The following CSNK1D variants were observed in gnomAD, a reference collection of about 807,000 sequenced individuals.
CSNK1D encodes casein kinase I isoform delta.
Under a neutral mutation model 46.6 loss-of-function variants are expected in CSNK1D, and 16 were observed. The observed-to-expected ratio is 0.34, with a 90% CI of 0.23 to 0.52. CSNK1D has a LOEUF of 0.52. Among genes scored for constraint, CSNK1D ranks in the 20% least tolerant of loss-of-function variants. CSNK1D has a pLI of 0.95. For synonymous variants in CSNK1D, 276 were observed against 228.2 expected (o/e 1.21, Z -1.89); for missense variants, 398 against 578.4 (o/e 0.69, Z 3.20).
chr17:82,253,363 AG>A (rs1167218018), intron 3 of CSNK1D, 119 bp from the exon 4 acceptor site: 1 of 885,052 alleles, frequency 1.1e-6, no homozygotes, highest in African/African-American at 1.6e-5. Context: ...ACAGCAGGGT[AG>A]TTTAACAATT....
rs996038734 is a variant in CSNK1D, at chr17:82,251,352, A to G, written c.885+27T>C. ...AAGCCATCCCCCGCACACCACACTC[A>G]GCGAACGTGCTGGCAGTGCGACTTA... is the stretch of plus-strand genomic sequence containing the variant. On this transcript the variant is annotated intron_variant, in intron 6 of 8. Transcript: ENST00000314028. This position sits in a 1 kb window ranked among gnomAD's most constrained non-coding sequence, Gnocchi z 4.5. 6.2e-7 allele frequency: 1 copy of G among 1,613,746 alleles called. No homozygotes were observed. Among genetic ancestry groups the G allele is most frequent in the Non-Finnish European group, 8.5e-7 (1 of 1,179,774 alleles).
At chr17:82,256,765 T>C (rs1370146676) in intron 2 of CSNK1D, among the ~76,000 whole-genome samples, 2 of 152,108 alleles carry the variant, frequency 1.3e-5, no homozygotes, top group African/African-American at 4.8e-5. Context: ...TTTTTTCTCA[T>C]ATCCACAAGA....
chr17:82,242,338 G>A (rs2050752622), downstream of CSNK1D, among the ~76,000 whole-genome samples: 1 of 152,216 alleles, frequency 6.6e-6, no homozygotes, highest in South Asian at 2.1e-4. Flanking sequence ...CAGGGGGAAG[G>A]GACATGCGCT....
Position 82,273,472 on chromosome 17 carries a change from TCCGGCTC to T in CSNK1D, c.-98_-92del, listed in dbSNP as rs1232955614. On this transcript the variant is annotated 5_prime_UTR_variant, in exon 1 of 9. Coordinates refer to ENST00000314028, the MANE Select transcript of CSNK1D (RefSeq NM_001893.6). The surrounding 1 kb of genome is among the most constrained non-coding windows in gnomAD (Gnocchi z 5.1). ...GCGCCGCTGCTGCCGCTACTGCGGG[TCCGGCTC>T]CCGGCTCCGCCCCCCTCACGGCCCC... The T allele has an allele frequency of 3.3e-6, 5 of 1,502,218 alleles. No homozygotes were observed. In the African/African-American group the frequency reaches 4.2e-5, roughly 13 times the overall value. The allele number at this position is 1,502,218 out of a possible 1,614,324, so 93.1% of individuals were successfully genotyped here.
downstream of CSNK1D, among the ~76,000 whole-genome samples, chr17:82,240,381 T>C (rs1362479505): frequency 6.6e-6 from 1 of 152,126 alleles, no homozygotes; most frequent in Non-Finnish European, 1.5e-5. Flanking sequence ...AGAGGACACA[T>C]GGCCTTCCCC....
chr17:82,259,563 G>A (rs1156551458), intron 2 of CSNK1D, among the ~76,000 whole-genome samples: 3 of 152,208 alleles, frequency 2.0e-5, no homozygotes, highest in Admixed American at 6.5e-5. Flanking sequence ...ACATTTGCAC[G>A]TACCAAGCAA....
At chr17:82,270,605 A>T (rs1321531857) in intron 1 of CSNK1D, among the ~76,000 whole-genome samples, 6 of 152,218 alleles carry the variant, frequency 3.9e-5, no homozygotes, top group Non-Finnish European at 7.3e-5. Flanking sequence ...TCTTCAGATC[A>T]GCCATCTTTG....
At chr17:82,245,801 G>C (rs1278035740) in intron 8 of CSNK1D, among the ~76,000 whole-genome samples, 2 of 152,180 alleles carry the variant, frequency 1.3e-5, no homozygotes, top group Non-Finnish European at 2.9e-5. Context: ...CCCAAGACTG[G>C]GCAGCGGACT....
Position 82,249,073 on chromosome 17 carries a change from C to T in CSNK1D, c.1058-59G>A, listed in dbSNP as rs1599581303. 6.5e-6 allele frequency: 10 copies of T among 1,535,366 alleles called. No homozygotes were observed. The South Asian group carries it at 1.2e-4, about 18-fold the overall frequency. Reference sequence around the variant, plus strand: ...CCCGTCTGCTGCCTCTCACTCGGGGCTTTCTATGAGAGGCTGTGGCCAGAG... The same window carrying T: ...CCCGTCTGCTGCCTCTCACTCGGGGTTTTCTATGAGAGGCTGTGGCCAGAG... On this transcript the variant is annotated intron_variant, in intron 7 of 8. Coordinates refer to ENST00000314028, the MANE Select transcript of CSNK1D (RefSeq NM_001893.6). This position sits in a 1 kb window ranked among gnomAD's most constrained non-coding sequence, Gnocchi z 6.7.
Position 82,243,594 on chromosome 17 carries a change from C to T in CSNK1D, c.*1187G>A, listed in dbSNP as rs1467472234. The T allele has an allele frequency of 9.1e-6, 9 of 985,464 alleles. No individual in the cohort carries two copies. In the Admixed American group the frequency reaches 1.8e-4, roughly 20 times the overall value. 61.0% of individuals were successfully genotyped at this position (985,464 alleles called of 1,614,324 possible). Reference sequence around the variant, plus strand: ...CACAGCGCAGACTCTACTTTCTGGCCGTGAAGGTTCTGGGTCCGGTTGGGA... The same window carrying T: ...CACAGCGCAGACTCTACTTTCTGGCTGTGAAGGTTCTGGGTCCGGTTGGGA... On this transcript the variant is annotated 3_prime_UTR_variant, in exon 9 of 9. Transcript: ENST00000314028.
intron 8 of CSNK1D, chr17:82,245,508 G>C (rs1322584617): frequency 4.6e-6 from 1 of 218,948 alleles, no homozygotes; most frequent in Non-Finnish European, 9.3e-6. Flanking sequence ...TGGCATGGCA[G>C]AGACTGCCCA....
At chr17:82,253,591 G>A (rs542215842) in intron 3 of CSNK1D, 9 of 369,838 alleles carry the variant, frequency 2.4e-5, no homozygotes, top group African/African-American at 1.9e-4. Context: ...AAACTGCACG[G>A]AGGTGCTTAG....
chr17:82,259,244 G>T (rs2051263436), intron 2 of CSNK1D, among the ~76,000 whole-genome samples: 1 of 152,180 alleles, frequency 6.6e-6, no homozygotes, highest in Admixed American at 6.5e-5. Flanking sequence ...ATTACATTTT[G>T]TAACCAATTA....
chr17:82,251,235 G>A lies in CSNK1D; in HGVS notation c.885+144C>T. 1 of 957,156 alleles carries A rather than the reference G, an allele frequency of 1.0e-6. No individual in the cohort carries two copies. Among genetic ancestry groups the A allele is most frequent in the Non-Finnish European group, 1.6e-6 (1 of 616,884 alleles). The allele number at this position is 957,156 out of a possible 1,614,324, so 59.3% of individuals were successfully genotyped here. ...GCAGGCAGACACCCACTCAGTCCAG[G>A]TCCTGCCCACTACACACTTGCCCTT... On this transcript the variant is annotated intron_variant, in intron 6 of 8. Coordinates refer to ENST00000314028, the MANE Select transcript of CSNK1D (RefSeq NM_001893.6). This position sits in a 1 kb window ranked among gnomAD's most constrained non-coding sequence, Gnocchi z 4.5.
chr17:82,245,787 T>TC (rs1359137062), intron 8 of CSNK1D, among the ~76,000 whole-genome samples: 1 of 151,528 alleles, frequency 6.6e-6, no homozygotes, highest in African/African-American at 2.4e-5. Context: ...GTGGACAGCC[T>TC]CCCCCCAAGA....
chr17:82,252,414 A>C lies in CSNK1D; in HGVS notation c.736+20T>G. 1 of 1,613,458 alleles carries C rather than the reference A, an allele frequency of 6.2e-7. No individual in the cohort carries two copies. Among genetic ancestry groups the C allele is most frequent in the Non-Finnish European group, 8.5e-7 (1 of 1,179,446 alleles). On this transcript the variant is annotated intron_variant, in intron 5 of 8. Transcript: ENST00000314028. This position sits in a 1 kb window ranked among gnomAD's most constrained non-coding sequence, Gnocchi z 4.6. ...ACCCCTGTGAGCAGCTCCGCTGAGA[A>C]GAGGCCTCCAGAGACTTACAAGGGT...
In CSNK1D at chr17:82,248,667, G is replaced by A. The variant is rs2050912383; in HGVS notation, c.1197+208C>T. On this transcript the variant is annotated intron_variant, in intron 8 of 8. Coordinates refer to ENST00000314028, the MANE Select transcript of CSNK1D (RefSeq NM_001893.6). This position sits in a 1 kb window ranked among gnomAD's most constrained non-coding sequence, Gnocchi z 4.1. ...CCTGAGACTGGCCACCTGCAACCAGGAGACAAGCCCCATGACGGCCCAGCA... is the reference window on the plus strand; with the variant it reads ...CCTGAGACTGGCCACCTGCAACCAGAAGACAAGCCCCATGACGGCCCAGCA... 3.6e-6 allele frequency: 5 copies of A among 1,405,320 alleles called. No homozygotes were observed. The highest frequency in any genetic ancestry group is 4.6e-6 in the Non-Finnish European group (5 of 1,079,534). 87.1% of individuals were successfully genotyped at this position (1,405,320 alleles called of 1,614,324 possible). A position where few individuals can be genotyped will look rare whatever the true frequency, so the allele number is the denominator to read the frequency against.
At chr17:82,259,210 G>C (rs564407564) in intron 2 of CSNK1D, among the ~76,000 whole-genome samples, 1 of 152,104 alleles carries the variant, frequency 6.6e-6, no homozygotes, top group Admixed American at 6.5e-5. Flanking sequence ...ATACCTTTTT[G>C]CTACTGTAAG....
At chr17:82,263,636 G>A (rs1197236561) in intron 2 of CSNK1D, among the ~76,000 whole-genome samples, 4 of 152,246 alleles carry the variant, frequency 2.6e-5, no homozygotes, top group Non-Finnish European at 5.9e-5. Flanking sequence ...GACCATCCCG[G>A]GCTTCTAAGG....
Sources: gnomAD v4.1 joint callset for allele counts (sites outside exome capture counted in the v4.1 genomes callset) on GRCh38, gnomAD v4.1.1 for gene constraint, Gnocchi (gnomAD v3.1) non-coding constraint, MANE v1.5 for transcripts, NCBI Gene and HGNC (gene_info 2026-07-23, HGNC 2026-07-21) for gene names.